The following GALNT18 variants were observed in gnomAD, a reference collection of about 807,000 sequenced individuals.
The protein encoded by GALNT18 is GalNAc-transferase 18.
GALNT18 carries 44 observed loss-of-function variants against 69.5 expected under a neutral mutation model. That is an observed-to-expected ratio of 0.63 (90% CI 0.50 to 0.81). The LOEUF (loss-of-function observed/expected upper bound fraction) is 0.81, where lower values mean the gene tolerates loss of function less well. Ranked by LOEUF, GALNT18 falls within the 40% of genes least tolerant of loss-of-function variation. The probability of loss-of-function intolerance (pLI) is 0.00; values close to 1 mark genes in which losing one functional copy is unlikely to be tolerated. For synonymous variants in GALNT18, 364 were observed against 318.2 expected (o/e 1.14, Z -1.53); for missense variants, 715 against 810.0 (o/e 0.88, Z 1.42).
Position 11,469,032 on chromosome 11 carries a change from T to A in GALNT18, c.236-20096A>T, listed in dbSNP as rs1856216521. On this transcript the variant is annotated intron_variant, in intron 1 of 10. Transcript: ENST00000227756. This position sits in a 1 kb window ranked among gnomAD's most constrained non-coding sequence, Gnocchi z 4.2. ...CCATACAGCGGTTGCCAGGGTTTGGTAGGGACAGTGTGTTGGGCACAACCA... is the reference window on the plus strand; with the variant it reads ...CCATACAGCGGTTGCCAGGGTTTGGAAGGGACAGTGTGTTGGGCACAACCA... 1.3e-5 allele frequency among the ~76,000 whole-genome samples: 2 copies of A among 152,150 alleles called. No individual in the cohort carries two copies. The highest frequency in any genetic ancestry group is 4.2e-4 in the South Asian group (2 of 4,818).
intron 2 of GALNT18, among the ~76,000 whole-genome samples, chr11:11,445,426 T>C (rs2133814749): frequency 6.6e-6 from 1 of 152,284 alleles, no homozygotes. Flanking sequence ...TCGTTTGAAA[T>C]AGGATGAGAG....
intron 6 of GALNT18, chr11:11,353,042 G>A (rs1850451148): frequency 5.6e-6 from 9 of 1,614,134 alleles, no homozygotes; most frequent in East Asian, 4.5e-5. Context: ...CATGTGACTC[G>A]TAATCCCAGT....
rs888594921 is a variant in GALNT18 at position 11,304,450 on chromosome 11, C to A, written c.1513-11257G>T. 2.6e-5 allele frequency among the ~76,000 whole-genome samples: 4 copies of A among 152,158 alleles called. No homozygotes were observed. The South Asian group carries it at 8.3e-4, about 32-fold the overall frequency. Reference sequence around the variant, plus strand: ...GGGCCCTATTTTGGAAGGTAATGCTCAAAACACTTCATAGCTGTGTCTGCT... The same window carrying A: ...GGGCCCTATTTTGGAAGGTAATGCTAAAAACACTTCATAGCTGTGTCTGCT... On this transcript the variant is annotated intron_variant, in intron 9 of 10. Coordinates refer to ENST00000227756, the MANE Select transcript of GALNT18 (RefSeq NM_198516.3).
At chr11:11,276,324 CTG>C (rs75470975) in intron 10 of GALNT18, among the ~76,000 whole-genome samples, 18,273 of 152,076 alleles carry the variant, frequency 0.12, 1,677 homozygotes, top group Admixed American at 0.28. Context: ...CATGATTTGG[CTG>C]TTTGTCTTTT....
rs771778462 is a variant in GALNT18 at position 11,377,360 on chromosome 11, G to C, written c.799C>G (p.Arg267Gly). 6.2e-7 allele frequency: 1 copy of C among 1,613,834 alleles called. No individual in the cohort carries two copies. ...ATCCGCTTCCGGTTCTCCTTGATGCGGGTGAGTACAGGTTCAGCCCTGGGC... is the reference window on the plus strand; with the variant it reads ...ATCCGCTTCCGGTTCTCCTTGATGCCGGTGAGTACAGGTTCAGCCCTGGGC... ...NVGWAEPVLT[R>G]IKENRKRIIS... Residue 267 changes from arginine (R) to glycine (G), a missense_variant, in exon 5 of 11, where the codon CGC (arginine) becomes GGC (glycine). Transcript: ENST00000227756. The surrounding 1 kb of genome is among the most constrained non-coding windows in gnomAD (Gnocchi z 4.6).
At chr11:11,355,993 T>G (rs1034016923) in intron 6 of GALNT18, among the ~76,000 whole-genome samples, 1 of 152,226 alleles carries the variant, frequency 6.6e-6, no homozygotes, top group Non-Finnish European at 1.5e-5. Context: ...GAAAAACTTG[T>G]GTGCAGGGGT....
chr11:11,420,039 A>G (rs1854965253), intron 3 of GALNT18, among the ~76,000 whole-genome samples: 1 of 152,126 alleles, frequency 6.6e-6, no homozygotes, highest in Non-Finnish European at 1.5e-5. Context: ...GCTTGAGCAG[A>G]GAGGAGAGAC....
At chr11:11,489,604 C>A (rs1856720366) in intron 1 of GALNT18, among the ~76,000 whole-genome samples, 2 of 152,148 alleles carry the variant, frequency 1.3e-5, no homozygotes, top group Non-Finnish European at 2.9e-5. Flanking sequence ...GGTTTTAATG[C>A]CAGCTCTGCC....
chr11:11,435,785 C>T lies in GALNT18; in HGVS notation c.429-2998G>A, dbSNP rs1181336856. Among the ~76,000 whole-genome samples, 2 of 152,150 alleles carry T rather than the reference C, an allele frequency of 1.3e-5. No individual in the cohort carries two copies. The highest frequency in any genetic ancestry group is 4.8e-5 in the African/African-American group (2 of 41,430). ...TCCTCCCTTGGAAGGAGAGTCAGGT[C>T]CCGGTCCTCCCGCCGACCAGCAGGC... On this transcript the variant is annotated intron_variant, in intron 2 of 10. Transcript: ENST00000227756. This position sits in a 1 kb window ranked among gnomAD's most constrained non-coding sequence, Gnocchi z 4.4.
At position 11,562,632 on chromosome 11, in the gene GALNT18, G is replaced by T. The variant is rs1437942362; in HGVS notation, c.235+58727C>A. ...CCCCATGGCACAGCACAATTTCAAG[G>T]CCCCACATGGACGTCTGCAAATAGC... On this transcript the variant is annotated intron_variant, in intron 1 of 10. Coordinates refer to ENST00000227756, the MANE Select transcript of GALNT18 (RefSeq NM_198516.3). This position sits in a 1 kb window ranked among gnomAD's most constrained non-coding sequence, Gnocchi z 4.1. Among the ~76,000 whole-genome samples, 9 of 152,072 alleles carry T rather than the reference G, an allele frequency of 5.9e-5. No homozygotes were observed. Among genetic ancestry groups the T allele is most frequent in the Non-Finnish European group, 1.3e-4 (9 of 68,020 alleles).
In GALNT18 at chr11:11,602,363, T is replaced by C. The variant is rs1032868484; in HGVS notation, c.235+18996A>G. Among the ~76,000 whole-genome samples the C allele has an allele frequency of 3.3e-5, 5 of 152,230 alleles. No individual in the cohort carries two copies. Among genetic ancestry groups the C allele is most frequent in the Middle Eastern group, 3.4e-3 (1 of 294 alleles). On this transcript the variant is annotated intron_variant, in intron 1 of 10. Coordinates refer to ENST00000227756, the MANE Select transcript of GALNT18 (RefSeq NM_198516.3). This position sits in a 1 kb window ranked among gnomAD's most constrained non-coding sequence, Gnocchi z 4.7. The stretch of plus-strand genomic sequence containing the variant: ...GGGGCAGCCCCAGACCACTCAACCA[T>C]GCTCTGCAACACAGAGCTGGGAGAC...
intron 9 of GALNT18, among the ~76,000 whole-genome samples, chr11:11,311,895 T>G (rs1187305966): frequency 2.0e-5 from 3 of 152,234 alleles, no homozygotes; most frequent in African/African-American, 7.2e-5. Flanking sequence ...TCCTATTTAC[T>G]GCTGATCCTG....
intron 6 of GALNT18, among the ~76,000 whole-genome samples, chr11:11,371,214 T>C (rs1277484910): frequency 2.0e-5 from 3 of 152,222 alleles, no homozygotes; most frequent in Non-Finnish European, 4.4e-5. Flanking sequence ...CCCCACACAG[T>C]ACCTGTCAGG....
intron 1 of GALNT18, among the ~76,000 whole-genome samples, chr11:11,545,189 C>T (rs1005863426): frequency 5.9e-5 from 9 of 152,228 alleles, no homozygotes; most frequent in African/African-American, 2.2e-4. Context: ...TGCCAAGATT[C>T]CAAGTCAGAC....
intron 3 of GALNT18, among the ~76,000 whole-genome samples, chr11:11,425,711 G>A (rs946063616): frequency 5.3e-5 from 8 of 152,138 alleles, no homozygotes; most frequent in Non-Finnish European, 7.4e-5. Context: ...AAGAGTTCAC[G>A]TTCACTGGGC....
At chr11:11,326,158 C>CGTCAGCCTCCTGA (rs1472794207) in intron 9 of GALNT18, among the ~76,000 whole-genome samples, 2 of 151,112 alleles carry the variant, frequency 1.3e-5, no homozygotes, top group Admixed American at 1.3e-4. Context: ...CATTCTCCTG[C>CGTCAGCCTCCTGA]GTCAGCCTCC....
At chr11:11,412,316 G>A (rs1854749959) in intron 3 of GALNT18, among the ~76,000 whole-genome samples, 1 of 152,186 alleles carries the variant, frequency 6.6e-6, no homozygotes, top group East Asian at 1.9e-4. Flanking sequence ...TTGCCAAAGT[G>A]TTTCCCAGAG....
chr11:11,615,952 G>T (rs1860034062), intron 1 of GALNT18, among the ~76,000 whole-genome samples: 1 of 152,156 alleles, frequency 6.6e-6, no homozygotes, highest in South Asian at 2.1e-4. Flanking sequence ...AAAAAAATTT[G>T]TAAAATACAC....
intron 6 of GALNT18, among the ~76,000 whole-genome samples, chr11:11,350,985 G>T (rs1288394795): frequency 6.6e-6 from 1 of 152,180 alleles, no homozygotes; most frequent in Non-Finnish European, 1.5e-5. Context: ...ATGTAAAGAG[G>T]CAAGGTGACC....
Sources: allele counts gnomAD v4.1 joint callset (sites outside exome capture counted in the v4.1 genomes callset), GRCh38; gene constraint gnomAD v4.1.1; non-coding constraint Gnocchi (gnomAD v3.1); transcripts MANE v1.5; gene names NCBI Gene and HGNC (gene_info 2026-07-23, HGNC 2026-07-21).